ARAP2: variants seen among roughly 807,000 people sequenced by gnomAD.
ARAP2 encodes arf-GAP with Rho-GAP domain, ANK repeat and PH domain-containing protein 2.
A neutral mutation model predicts 194.5 loss-of-function variants in ARAP2; 148 were observed. That is an observed-to-expected ratio of 0.76 (90% CI 0.67 to 0.87). The LOEUF (loss-of-function observed/expected upper bound fraction) is 0.87, where lower values mean the gene tolerates loss of function less well. Ranked by LOEUF, ARAP2 falls within the 40% of genes least tolerant of loss-of-function variation. ARAP2 has a pLI of 0.00. For missense variants in ARAP2, 2,128 were observed against 1,989.7 expected (o/e 1.07, Z -1.32); for synonymous variants, 695 against 683.5 (o/e 1.02, Z -0.26).
intron 27 of ARAP2, among the ~76,000 whole-genome samples, chr4:36,104,022 G>T (rs1717717023): frequency 6.6e-6 from 1 of 151,864 alleles, no homozygotes; most frequent in Non-Finnish European, 1.5e-5. Flanking sequence ...GCAAGCCATA[G>T]ATAGACAGAC....
intron 2 of ARAP2, among the ~76,000 whole-genome samples, chr4:36,214,983 T>C (rs1381064468): frequency 6.6e-6 from 1 of 152,168 alleles, no homozygotes; most frequent in Admixed American, 6.5e-5. Context: ...TCAAAGATCT[T>C]ACAGTCTCGG....
At chr4:36,013,641 A>C (rs534389254) in intron 8 of ARAP2, among the ~76,000 whole-genome samples, 3 of 152,342 alleles carry the variant, frequency 2.0e-5, no homozygotes, top group African/African-American at 7.2e-5. Flanking sequence ...AAACTATGAC[A>C]GATCATAGCA....
chr4:36,164,892 A>G, intron 11 of ARAP2, 22 bp downstream of exon 11: 1 of 1,610,538 alleles, frequency 6.2e-7, no homozygotes, highest in Non-Finnish European at 8.5e-7. Context: ...AGCTGTGATG[A>G]GCATAACTTG....
chr4:36,014,547 T>C (rs1014490292), intron 8 of ARAP2, among the ~76,000 whole-genome samples: 1 of 152,196 alleles, frequency 6.6e-6, no homozygotes, highest in African/African-American at 2.4e-5. Context: ...TTCTATAAAT[T>C]ATTAAAGCAA....
intron 5 of ARAP2, among the ~76,000 whole-genome samples, chr4:36,028,978 A>C (rs1366357683): frequency 1.3e-5 from 2 of 151,972 alleles, no homozygotes; most frequent in Non-Finnish European, 2.9e-5. Flanking sequence ...CTTTAAGGAA[A>C]TTAATGAGGT....
At chr4:36,190,589 G>A (rs911252350) in intron 7 of ARAP2, among the ~76,000 whole-genome samples, 4 of 152,192 alleles carry the variant, frequency 2.6e-5, no homozygotes, top group African/African-American at 9.6e-5. Context: ...CTGGCTTAGT[G>A]TAACAGTCTC....
At chr4:36,052,511 T>C (rs1182155482) in intron 2 of ARAP2, among the ~76,000 whole-genome samples, 1 of 152,206 alleles carries the variant, frequency 6.6e-6, no homozygotes, top group Admixed American at 6.5e-5. Flanking sequence ...CTGAATACTT[T>C]TATTGACATA....
Position 36,229,160 on chromosome 4 carries a change from A to G in ARAP2, c.327T>C (p.Ser109=). ...DQNICIELSN[S]GSVQTSSPPQ... The stretch of plus-strand genomic sequence containing the variant: ...GTGGGCTAGATGTCTGAACACTACC[A>G]GAATTGGAAAGTTCTATGCAGATAT... The change falls in exon 2 of 33, where the codon TCT becomes TCC. Residue 109 remains serine (S), a synonymous_variant. Transcript: ENST00000303965. 6.2e-7 allele frequency: 1 copy of G among 1,614,154 alleles called. No homozygotes were observed. Among genetic ancestry groups the G allele is most frequent in the Non-Finnish European group, 8.5e-7 (1 of 1,180,014 alleles).
intron 19 of ARAP2, 86 bp downstream of exon 19, chr4:36,147,210 T>C: frequency 8.4e-7 from 1 of 1,191,202 alleles, no homozygotes. Flanking sequence ...TAAAATATTG[T>C]TTTCTCCCTC....
intron 19 of ARAP2, among the ~76,000 whole-genome samples, chr4:36,134,723 AACACACACAAATAC>A (rs1237822837): frequency 8.5e-6 from 1 of 117,610 alleles, no homozygotes; most frequent in Non-Finnish European, 1.8e-5. Flanking sequence ...AGGAAACATA[AACACACACAAATAC>A]ACACACACAC....
chr4:36,158,832 C>A lies in ARAP2; in HGVS notation c.2650G>T (p.Val884Leu), dbSNP rs766944425. 6.2e-7 allele frequency: 1 copy of A among 1,609,880 alleles called. No individual in the cohort carries two copies. Among genetic ancestry groups the A allele is most frequent in the Non-Finnish European group, 8.5e-7 (1 of 1,178,730 alleles). Residue 884 changes from valine (V) to leucine (L), a missense_variant, in exon 15 of 33, where the codon GTA (valine) becomes TTA (leucine). Physicochemically the swap from Val to Leu is conservative, Grantham distance 32. Transcript: ENST00000303965. ...FPQHDIHSEG[V>L]LSQESSQSTF... ...GACTGGGAAGACTCTTGACTTAATA[C>A]ACCCTCGGAATGAATATCATGTTGA...
Position 36,167,073 on chromosome 4 carries a change from C to G in ARAP2, c.1858-26G>C, listed in dbSNP as rs750542795. On this transcript the variant is annotated intron_variant, in intron 9 of 32. Transcript: ENST00000303965. ...CTAGTTTGGAGAAAAACATAAAAAA[C>G]TATAAAGAAACAAAAAAAAAGATTT... 8 of 1,278,668 alleles carry G rather than the reference C, an allele frequency of 6.3e-6. No individual in the cohort carries two copies. The South Asian group carries it at 9.4e-5, about 15-fold the overall frequency. 79.2% of individuals were successfully genotyped at this position (1,278,668 alleles called of 1,614,324 possible).
At chr4:36,148,693 G>A (rs532544708) in intron 16 of ARAP2, among the ~76,000 whole-genome samples, 186 bp from the exon 17 acceptor site, 5 of 152,226 alleles carry the variant, frequency 3.3e-5, no homozygotes, top group African/African-American at 9.6e-5. Context: ...CACTGGATTG[G>A]ACAAAAGGAA....
At chr4:36,080,554 CA>C (rs1394367171) in intron 30 of ARAP2, among the ~76,000 whole-genome samples, 1 of 152,182 alleles carries the variant, frequency 6.6e-6, no homozygotes, top group South Asian at 2.1e-4. Context: ...TTCGGAAAGG[CA>C]GAAAGATTTA....
At chr4:36,100,371 A>T (rs1319524771) in intron 27 of ARAP2, among the ~76,000 whole-genome samples, 1 of 152,036 alleles carries the variant, frequency 6.6e-6, no homozygotes, top group Admixed American at 6.6e-5. Flanking sequence ...GCTGGCAAAG[A>T]CTATTTCTTC....
At chr4:36,028,968 C>T (rs1718441777) in intron 5 of ARAP2, among the ~76,000 whole-genome samples, 1 of 151,806 alleles carries the variant, frequency 6.6e-6, no homozygotes, top group Admixed American at 6.6e-5. Flanking sequence ...ATTATTTCTA[C>T]TTTAAGGAAA....
intron 2 of ARAP2, among the ~76,000 whole-genome samples, chr4:36,215,099 CAG>C (rs1747623506): frequency 1.3e-5 from 2 of 152,258 alleles, no homozygotes; most frequent in South Asian, 2.1e-4. Context: ...TATCATATAA[CAG>C]AGTTCTCTTT....
intron 25 of ARAP2, among the ~76,000 whole-genome samples, chr4:36,114,803 A>G (rs1208297771): frequency 6.6e-6 from 1 of 152,016 alleles, no homozygotes; most frequent in African/African-American, 2.4e-5. Flanking sequence ...TGCTGGAACC[A>G]GGATTCCAGG....
intron 19 of ARAP2, among the ~76,000 whole-genome samples, chr4:36,134,396 C>T (rs1726161387): frequency 6.6e-6 from 1 of 151,532 alleles, no homozygotes; most frequent in Non-Finnish European, 1.5e-5. Flanking sequence ...TGTCTTCAGT[C>T]ACAAAATTCT....
Sources: gnomAD v4.1 joint callset for allele counts (sites outside exome capture counted in the v4.1 genomes callset) on GRCh38, gnomAD v4.1.1 for gene constraint, MANE v1.5 for transcripts, NCBI Gene and HGNC (gene_info 2026-07-23, HGNC 2026-07-21) for gene names.